Variants in TSHZ3 observed in about 807,000 individuals in gnomAD.
The protein encoded by TSHZ3 is teashirt zinc finger homeobox 3, also known as teashirt homolog 3.
Under a neutral mutation model 64.5 loss-of-function variants are expected in TSHZ3, and 10 were observed. The observed-to-expected ratio is 0.16, with a 90% CI of 0.10 to 0.26. The LOEUF (loss-of-function observed/expected upper bound fraction) is 0.26. Among genes scored for constraint, TSHZ3 ranks in the 10% least tolerant of loss-of-function variants. TSHZ3 has a pLI of 1.00. For synonymous variants in TSHZ3, 608 were observed against 593.1 expected (o/e 1.03, Z -0.36); for missense variants, 1,242 against 1,421.7 (o/e 0.87, Z 2.03).
At chr19:31,294,302 C>CAGCACATAGCCAACACTCAGCT (rs1976626354) in intron 1 of TSHZ3, among the ~76,000 whole-genome samples, 1 of 152,028 alleles carries the variant, frequency 6.6e-6, no homozygotes, top group Admixed American at 6.6e-5. Flanking sequence ...AGGACTCAGC[C>CAGCACATAGCCAACACTCAGCT]AGCACTTAGC....
chr19:31,279,466 C>T lies in TSHZ3; in HGVS notation c.327G>A (p.Thr109=), dbSNP rs781693721. 1.9e-6 allele frequency: 3 copies of T among 1,614,190 alleles called. No homozygotes were observed. Among genetic ancestry groups the T allele is most frequent in the South Asian group, 1.1e-5 (1 of 91,080 alleles). ...TCTGCTCCAGGCTATCCGACACAGT[C>T]GTGTCTTCCAGTGGGACCGTGACCT... ...TKEVTVPLED[T]TVSDSLEQMK... The change falls in exon 2 of 2, where the codon ACG becomes ACA. Residue 109 remains threonine (T), a synonymous_variant. Coordinates refer to ENST00000240587, the MANE Select transcript of TSHZ3 (RefSeq NM_020856.4). The surrounding 1 kb of genome is among the most constrained non-coding windows in gnomAD (Gnocchi z 6.4).
Position 31,349,238 on chromosome 19 carries a change from G to C in TSHZ3, c.-19C>G. 6.5e-7 allele frequency: 1 copy of C among 1,533,684 alleles called. No individual in the cohort carries two copies. Among genetic ancestry groups the C allele is most frequent in the Non-Finnish European group, 8.8e-7 (1 of 1,142,080 alleles). On this transcript the variant is annotated 5_prime_UTR_variant, in exon 1 of 2. Transcript: ENST00000240587. ...TCGGCATGATGCTTCTCCGGCGACT[G>C]CCACTGCCGCCGCCGCCGCCGCTGC...
In TSHZ3 at chr19:31,336,609, G is replaced by A. The variant is rs969231043; in HGVS notation, c.40+12571C>T. Among the ~76,000 whole-genome samples, 5 of 152,288 alleles carry A rather than the reference G, an allele frequency of 3.3e-5. No homozygotes were observed. The East Asian group carries it at 9.6e-4, about 29-fold the overall frequency. Reference sequence around the variant, plus strand: ...ACGAAGTTTCAGACCCACCAGAACTGTAGAAGGGCATCGGATCCTGGTCAG... The same window carrying A: ...ACGAAGTTTCAGACCCACCAGAACTATAGAAGGGCATCGGATCCTGGTCAG... On this transcript the variant is annotated intron_variant, in intron 1 of 1. Transcript: ENST00000240587.
intron 1 of TSHZ3, among the ~76,000 whole-genome samples, chr19:31,291,023 A>G (rs970967762): frequency 6.6e-6 from 1 of 152,268 alleles, no homozygotes; most frequent in Non-Finnish European, 1.5e-5. Context: ...AAAGCATGGC[A>G]TTAGCTGATT....
At chr19:31,288,830 G>A (rs937286969) in intron 1 of TSHZ3, among the ~76,000 whole-genome samples, 6 of 152,156 alleles carry the variant, frequency 3.9e-5, no homozygotes, top group East Asian at 1.9e-4. Flanking sequence ...CTTGAGCCAC[G>A]GAGCCAGGCA....
At chr19:31,264,310 C>A (rs1005819900) in intron 1 of TSHZ3, among the ~76,000 whole-genome samples, 1 of 152,224 alleles carries the variant, frequency 6.6e-6, no homozygotes, top group Non-Finnish European at 1.5e-5. Flanking sequence ...GAGTTTCCTG[C>A]ACAAACCTGC....
At chr19:31,159,327 C>T (rs188100489) in intron 5 of TSHZ3, among the ~76,000 whole-genome samples, 56 of 152,132 alleles carry the variant, frequency 3.7e-4, no homozygotes, top group African/African-American at 1.3e-3. Flanking sequence ...TAAGGACCTT[C>T]GTGATTACAG....
intron 3 of TSHZ3, among the ~76,000 whole-genome samples, chr19:31,240,245 C>T (rs961919863): frequency 2.6e-5 from 4 of 151,852 alleles, no homozygotes; most frequent in Non-Finnish European, 2.9e-5. Context: ...TCAAGCACCA[C>T]GAAAGCATTT....
At chr19:31,227,695 G>A (rs1259364911) in intron 4 of TSHZ3, among the ~76,000 whole-genome samples, 1 of 152,120 alleles carries the variant, frequency 6.6e-6, no homozygotes, top group Non-Finnish European at 1.5e-5. Context: ...TTTTCACTCA[G>A]TAAAGTTGGA....
intron 1 of TSHZ3, among the ~76,000 whole-genome samples, chr19:31,326,719 C>T (rs1916939796): frequency 1.3e-5 from 2 of 152,242 alleles, no homozygotes; most frequent in Admixed American, 1.3e-4. Flanking sequence ...ATGTTTGTTG[C>T]TGTTAGGGAG....
At chr19:31,160,227 G>A (rs1182366095) in intron 5 of TSHZ3, among the ~76,000 whole-genome samples, 1 of 152,162 alleles carries the variant, frequency 6.6e-6, no homozygotes, top group African/African-American at 2.4e-5. Context: ...CAACAAGTAG[G>A]AGCACAGGCT....
chr19:31,171,446 T>C (rs1200125559), intron 5 of TSHZ3, among the ~76,000 whole-genome samples: 2 of 152,032 alleles, frequency 1.3e-5, no homozygotes, highest in African/African-American at 4.8e-5. Context: ...TAACTATGTG[T>C]GGGAAAACTG....
chr19:31,210,219 C>A (rs1198949909), intron 4 of TSHZ3, among the ~76,000 whole-genome samples: 2 of 152,114 alleles, frequency 1.3e-5, no homozygotes, highest in Non-Finnish European at 2.9e-5. Flanking sequence ...TATAGAGGCA[C>A]AGGCCTGGGT....
At chr19:31,248,784 G>A (rs1975793314) in intron 1 of TSHZ3, among the ~76,000 whole-genome samples, 2 of 133,558 alleles carry the variant, frequency 1.5e-5, no homozygotes, top group Non-Finnish European at 3.1e-5. Context: ...GCCAGACCCT[G>A]TTTGAAAAAA....
intron 4 of TSHZ3, among the ~76,000 whole-genome samples, chr19:31,220,911 C>T (rs1192428098): frequency 6.6e-6 from 1 of 152,166 alleles, no homozygotes; most frequent in Non-Finnish European, 1.5e-5. Flanking sequence ...GCACCACTTC[C>T]TTTTGAAGCA....
At chr19:31,293,955 A>G (rs78576746) in intron 1 of TSHZ3, among the ~76,000 whole-genome samples, 6,667 of 152,258 alleles carry the variant, frequency 0.044, 266 homozygotes, top group African/African-American at 0.11. Flanking sequence ...TGGGCTGAGA[A>G]GTCCCACGTG....
intron 1 of TSHZ3, among the ~76,000 whole-genome samples, chr19:31,328,389 C>T (rs1916986599): frequency 6.6e-6 from 1 of 152,256 alleles, no homozygotes; most frequent in South Asian, 2.1e-4. Context: ...GGCACCTCTC[C>T]CACACCAGGG....
At chr19:31,266,622 G>C (rs906451367) in intron 1 of TSHZ3, among the ~76,000 whole-genome samples, 1 of 152,142 alleles carries the variant, frequency 6.6e-6, no homozygotes, top group African/African-American at 2.4e-5. Flanking sequence ...TTCAGGCAGA[G>C]CCAGGAAGGC....
At chr19:31,260,469 C>T (rs944162993) in intron 1 of TSHZ3, among the ~76,000 whole-genome samples, 1 of 152,174 alleles carries the variant, frequency 6.6e-6, no homozygotes, top group African/African-American at 2.4e-5. Context: ...CCTTGGCATC[C>T]ACCTGATCTC....
Sources: allele counts gnomAD v4.1 joint callset (sites outside exome capture counted in the v4.1 genomes callset), GRCh38; gene constraint gnomAD v4.1.1; non-coding constraint Gnocchi (gnomAD v3.1); transcripts MANE v1.5; gene names NCBI Gene and HGNC (gene_info 2026-07-23, HGNC 2026-07-21).